The following EP400 variants were observed in gnomAD, a reference collection of about 807,000 sequenced individuals.
The protein encoded by EP400 is E1A binding protein p400.
Under a neutral mutation model 354.1 loss-of-function variants are expected in EP400, and 105 were observed. The ratio of observed to expected loss-of-function variants is 0.30; its 90% CI spans 0.25 to 0.35. The LOEUF (loss-of-function observed/expected upper bound fraction) is 0.35, where lower values mean the gene tolerates loss of function less well. Ranked by LOEUF, EP400 falls within the 10% of genes least tolerant of loss-of-function variation. The pLI is 1.00. For missense variants in EP400, 3,280 were observed against 4,121.0 expected (o/e 0.80, Z 5.59); for synonymous variants, 1,646 against 1,716.9 (o/e 0.96, Z 1.02).
intron 3 of EP400, among the ~76,000 whole-genome samples, chr12:131,980,790 A>T (rs1892655014): frequency 6.6e-6 from 1 of 152,172 alleles, no homozygotes; most frequent in South Asian, 2.1e-4. Flanking sequence ...CCTGGGCTCA[A>T]GTCTTCTTGC....
In EP400 at chr12:131,990,016, G is replaced by T. The variant is rs527879787; in HGVS notation, c.2462G>T (p.Arg821Met). The T allele has an allele frequency of 9.3e-6, 15 of 1,613,672 alleles. No individual in the cohort carries two copies. The South Asian group carries it at 1.6e-4, about 18-fold the overall frequency. Residue 821 changes from arginine (R) to methionine (M), a missense_variant, in exon 8 of 53, where the codon AGG becomes ATG. Arg to Met is a moderately conservative substitution (Grantham distance 91). Around this residue, in one of 20 missense-constraint regions of EP400, gnomAD observed 800 missense variants for 840.0 expected, o/e 0.95. Coordinates refer to ENST00000389561, the MANE Select transcript of EP400 (RefSeq NM_015409.5). This position sits in a 1 kb window ranked among gnomAD's most constrained non-coding sequence, Gnocchi z 4.2. ...HHEEKQLREE[R>M]GKKEEQSRLR... ...GAGGAGAAGCAGCTCCGTGAAGAAAGGGGGAAGAAGGAAGAGCAGAGCAGA... is the reference window on the plus strand; with the variant it reads ...GAGGAGAAGCAGCTCCGTGAAGAAATGGGGAAGAAGGAAGAGCAGAGCAGA...
At chr12:131,950,555 C>T (rs1242424906) in intron 1 of EP400, among the ~76,000 whole-genome samples, 1 of 152,146 alleles carries the variant, frequency 6.6e-6, no homozygotes, top group African/African-American at 2.4e-5. Context: ...CCGGGCGTCC[C>T]GGAACGCGCC....
intron 2 of EP400, among the ~76,000 whole-genome samples, chr12:131,972,360 A>G (rs549553770): frequency 6.6e-6 from 1 of 152,024 alleles, no homozygotes; most frequent in East Asian, 1.9e-4. Flanking sequence ...TCACCATGTT[A>G]GCCAGGATGG....
Position 132,055,546 on chromosome 12 carries a change from T to TGTGTGTGTGAGGTGTAGGG in EP400, c.7884+360_7884+378dup, listed in dbSNP as rs1219784093. Among the ~76,000 whole-genome samples, 52 of 90,238 alleles carry TGTGTGTGTGAGGTGTAGGG rather than the reference T, an allele frequency of 5.8e-4. 2 individuals carry two copies. The highest frequency in any genetic ancestry group is 2.3e-3 in the African/African-American group (49 of 21,000). The allele number at this position is 90,238 out of a possible 152,430, so 59.2% of individuals were successfully genotyped here. On this transcript the variant is annotated intron_variant, in intron 45 of 52. Transcript: ENST00000389561. ...AGGGGTGTGTGTGAGGTGTAGGGGT[T>TGTGTGTGTGAGGTGTAGGG]GTGTGTGTGAGGTGTAGGGGTGTGT...
At chr12:131,999,610 T>C (rs1479110261) in intron 12 of EP400, among the ~76,000 whole-genome samples, 1 of 152,120 alleles carries the variant, frequency 6.6e-6, no homozygotes, top group South Asian at 2.1e-4. Flanking sequence ...GGCTATTTTT[T>C]ATATTTTTAG....
chr12:131,963,712 G>A lies in EP400; in HGVS notation c.1335+1758G>A, dbSNP rs1891978599. 1.1e-5 allele frequency: 13 copies of A among 1,223,768 alleles called. No homozygotes were observed. The East Asian group carries it at 2.3e-4, about 21-fold the overall frequency. 75.8% of individuals were successfully genotyped at this position (1,223,768 alleles called of 1,614,324 possible). A position where few individuals can be genotyped will look rare whatever the true frequency, so the allele number is the denominator to read the frequency against. On this transcript the variant is annotated intron_variant, in intron 2 of 52. Transcript: ENST00000389561. ...CCTTCATCCAGATATTTTAACCTTCGATATACTACTTGCTCTTCAGCATTT... is the reference window on the plus strand; with the variant it reads ...CCTTCATCCAGATATTTTAACCTTCAATATACTACTTGCTCTTCAGCATTT...
intron 45 of EP400, among the ~76,000 whole-genome samples, chr12:132,060,833 G>A (rs1377043038): frequency 2.0e-5 from 3 of 150,556 alleles, no homozygotes; most frequent in Non-Finnish European, 4.4e-5. Context: ...AGAATTGCTT[G>A]AACCTGGGAG....
At chr12:131,991,698 A>C (rs1348789180) in intron 10 of EP400, among the ~76,000 whole-genome samples, 2 of 150,510 alleles carry the variant, frequency 1.3e-5, no homozygotes, top group Non-Finnish European at 2.9e-5. Flanking sequence ...CTCCTGCCTC[A>C]GCCTCCCGAG....
At chr12:131,983,302 AT>A (rs1566172212) in intron 5 of EP400, among the ~76,000 whole-genome samples, 1 of 152,198 alleles carries the variant, frequency 6.6e-6, no homozygotes, top group Non-Finnish European at 1.5e-5. Context: ...TTGGGATGCT[AT>A]ATGCTCTGCA....
In EP400 at chr12:131,979,787, A is replaced by G; in HGVS notation, c.1429A>G (p.Met477Val). The change falls in exon 3 of 53, where the codon ATG (methionine) becomes GTG (valine). Residue 477 changes from methionine to valine, a missense_variant. Around this residue, in one of 20 missense-constraint regions of EP400, gnomAD observed 800 missense variants for 840.0 expected, o/e 0.95. Coordinates refer to ENST00000389561, the MANE Select transcript of EP400 (RefSeq NM_015409.5). ...KRQQAMPSTG[M>V]AEQSKRPRLE... The stretch of plus-strand genomic sequence containing the variant: ...GCAGCAGGCGATGCCCTCCACAGGT[A>G]TGGCAGGTACGTCGGCACGGCTAGC... 1 of 1,607,224 alleles carries G rather than the reference A, an allele frequency of 6.2e-7. No homozygotes were observed. Among genetic ancestry groups the G allele is most frequent in the Non-Finnish European group, 8.5e-7 (1 of 1,176,984 alleles).
chr12:132,053,696 G>A, intron 43 of EP400, 99 bp downstream of exon 43: 1 of 1,312,022 alleles, frequency 7.6e-7, no homozygotes, highest in Non-Finnish European at 1.0e-6. Context: ...CTTGTTGCCA[G>A]TTCTAGCACA....
rs567837402 is a variant in EP400, at chr12:132,038,310, G to T, written c.6207+214G>T. Among the ~76,000 whole-genome samples, 2 of 152,180 alleles carry T rather than the reference G, an allele frequency of 1.3e-5. No homozygotes were observed. Among genetic ancestry groups the T allele is most frequent in the South Asian group, 4.2e-4 (2 of 4,818 alleles). ...TGAGGGGAATGGTGGCGAAGGTCGC[G>T]GACCACAGGCCTGTCACCGAAGCAG... On this transcript the variant is annotated intron_variant, in intron 32 of 52. Coordinates refer to ENST00000389561, the MANE Select transcript of EP400 (RefSeq NM_015409.5). This position sits in a 1 kb window ranked among gnomAD's most constrained non-coding sequence, Gnocchi z 4.2.
In EP400 at chr12:132,025,606, A is replaced by G; in HGVS notation, c.4856-40A>G. Reference sequence around the variant, plus strand: ...CCTGGAGTGTGTGGCTGTGATGTACACATGCCTGTCATTGACACCTAGTGG... The same window carrying G: ...CCTGGAGTGTGTGGCTGTGATGTACGCATGCCTGTCATTGACACCTAGTGG... On this transcript the variant is annotated intron_variant, in intron 24 of 52. Transcript: ENST00000389561. The surrounding 1 kb of genome is among the most constrained non-coding windows in gnomAD (Gnocchi z 4.1). The G allele has an allele frequency of 2.6e-6, 4 of 1,551,036 alleles. No individual in the cohort carries two copies. In the South Asian group the frequency reaches 4.8e-5, roughly 19 times the overall value.
chr12:132,001,281 ATAGG>A (rs1197103267), intron 12 of EP400, among the ~76,000 whole-genome samples: 15 of 152,120 alleles, frequency 9.9e-5, no homozygotes, highest in African/African-American at 3.6e-4. Context: ...ATCTCCAATG[ATAGG>A]TAGGGTCACG....
chr12:131,981,474 T>C lies in EP400; in HGVS notation c.1436-15T>C. On this transcript the variant is annotated splice_polypyrimidine_tract_variant and intron_variant, in intron 3 of 52. Transcript: ENST00000389561. ...TTTTTACATCAAACTGCACCTTTTTTGAAAATTATTCTAGAGCAGTCTAAG... is the reference window on the plus strand; with the variant it reads ...TTTTTACATCAAACTGCACCTTTTTCGAAAATTATTCTAGAGCAGTCTAAG... 1 of 1,540,248 alleles carries C rather than the reference T, an allele frequency of 6.5e-7. No homozygotes were observed. Among genetic ancestry groups the C allele is most frequent in the Non-Finnish European group, 8.8e-7 (1 of 1,140,170 alleles).
In EP400 at chr12:132,055,093, C is replaced by G; in HGVS notation, c.7775-6C>G. 6.2e-7 allele frequency: 1 copy of G among 1,613,908 alleles called. No homozygotes were observed. The highest frequency in any genetic ancestry group is 2.2e-5 in the East Asian group (1 of 44,868). On this transcript the variant is annotated splice_region_variant and splice_polypyrimidine_tract_variant and intron_variant, in intron 44 of 52. Transcript: ENST00000389561. Reference sequence around the variant, plus strand: ...GCTGTTGCCTTATGCCCGCCTGTCTCCGCAGGTGCCGTGAGTGGAAATGTG... The same window carrying G: ...GCTGTTGCCTTATGCCCGCCTGTCTGCGCAGGTGCCGTGAGTGGAAATGTG...
In EP400 at chr12:132,020,152, G is replaced by A. The variant is rs1894077216; in HGVS notation, c.4381G>A (p.Ala1461Thr). 1 of 1,611,366 alleles carries A rather than the reference G, an allele frequency of 6.2e-7. No individual in the cohort carries two copies. Among genetic ancestry groups the A allele is most frequent in the South Asian group, 1.1e-5 (1 of 90,336 alleles). The change falls in exon 22 of 53, where the codon GCT becomes ACT. Residue 1461 changes from alanine (A) to threonine (T), a missense_variant. Coordinates refer to ENST00000389561, the MANE Select transcript of EP400 (RefSeq NM_015409.5). ...RTAAPTTASA[A>T]PQGPLRGRPP... Reference sequence around the variant, plus strand: ...GGCAGCCCCCACCACGGCCTCTGCTGCTCCACAGGGCCCGCTTCGAGGACG... The same window carrying A: ...GGCAGCCCCCACCACGGCCTCTGCTACTCCACAGGGCCCGCTTCGAGGACG...
At chr12:132,037,452 C>T (rs1285786949) in intron 30 of EP400, among the ~76,000 whole-genome samples, 1 of 152,160 alleles carries the variant, frequency 6.6e-6, no homozygotes, top group Non-Finnish European at 1.5e-5. Flanking sequence ...TGAGGTGGCA[C>T]AGCGAAGAGT....
intron 22 of EP400, among the ~76,000 whole-genome samples, chr12:132,020,723 C>A (rs1484900568): frequency 6.6e-6 from 1 of 152,234 alleles, no homozygotes; most frequent in African/African-American, 2.4e-5. Context: ...TTGTTGCCAG[C>A]ATTCTCTATA....
Sources: gnomAD v4.1 joint callset for allele counts (sites outside exome capture counted in the v4.1 genomes callset) on GRCh38, gnomAD v4.1.1 for gene constraint, gnomAD v4.1.1 regional missense constraint, Gnocchi (gnomAD v3.1) non-coding constraint, MANE v1.5 for transcripts, NCBI Gene and HGNC (gene_info 2026-07-23, HGNC 2026-07-21) for gene names.